HDGFL2: variants seen among roughly 807,000 people sequenced by gnomAD.
The protein encoded by HDGFL2 is hepatoma-derived growth factor-related protein 2.
A neutral mutation model predicts 77.1 loss-of-function variants in HDGFL2; 36 were observed. The observed-to-expected ratio is 0.47, with a 90% CI of 0.36 to 0.62. HDGFL2 has a LOEUF of 0.62. HDGFL2 is among the 20% of genes least tolerant of loss of function. The pLI, the probability that HDGFL2 is intolerant of heterozygous loss-of-function variation, is 0.00. For synonymous variants in HDGFL2, 463 were observed against 413.1 expected (o/e 1.12, Z -1.46); for missense variants, 976 against 973.4 (o/e 1.00, Z -0.04).
At chr19:4,478,003 G>A (rs1408235182) in intron 3 of HDGFL2, among the ~76,000 whole-genome samples, 1 of 150,670 alleles carries the variant, frequency 6.6e-6, no homozygotes, top group Non-Finnish European at 1.5e-5. Context: ...TTGCTTCAAC[G>A]CGGGAGGGAG....
chr19:4,472,946 T>C (rs898399547), intron 1 of HDGFL2, among the ~76,000 whole-genome samples: 22 of 145,488 alleles, frequency 1.5e-4, no homozygotes, highest in African/African-American at 5.7e-4. Context: ...GTTCTGAGGG[T>C]GTCTGCGGCC....
chr19:4,497,594 C>T (rs984377005), intron 10 of HDGFL2: 7 of 334,702 alleles, frequency 2.1e-5, no homozygotes, highest in Admixed American at 4.7e-5. Flanking sequence ...CAGCACATGG[C>T]ACCGAGCCTC....
At chr19:4,490,814 T>C (rs1189592045) in intron 4 of HDGFL2, among the ~76,000 whole-genome samples, 1 of 151,996 alleles carries the variant, frequency 6.6e-6, no homozygotes, top group Non-Finnish European at 1.5e-5. Context: ...TCTCTTTTTT[T>C]TTTTTGGCGG....
At chr19:4,489,466 C>T (rs1599713178) in intron 4 of HDGFL2, among the ~76,000 whole-genome samples, 3 of 151,568 alleles carry the variant, frequency 2.0e-5, no homozygotes, top group Admixed American at 6.6e-5. Context: ...TGCGGTGGCA[C>T]GATCTCAGCT....
chr19:4,475,073 G>C (rs1166057949), intron 1 of HDGFL2: 1 of 586,502 alleles, frequency 1.7e-6, no homozygotes, highest in African/African-American at 1.9e-5. Flanking sequence ...CTGGGGTAGG[G>C]GGAGAGCTCT....
chr19:4,477,607 A>G (rs1005607014), intron 3 of HDGFL2, among the ~76,000 whole-genome samples: 8 of 152,158 alleles, frequency 5.3e-5, no homozygotes, highest in Non-Finnish European at 1.2e-4. Flanking sequence ...TCATCACACC[A>G]TTTAATATTT....
chr19:4,499,303 G>T (rs1022833393), intron 13 of HDGFL2, among the ~76,000 whole-genome samples, 188 bp from the exon 14 acceptor site: 1 of 151,212 alleles, frequency 6.6e-6, no homozygotes, highest in Non-Finnish European at 1.5e-5. Context: ...CCGAGATCGC[G>T]CCACTGCACT....
intron 6 of HDGFL2, among the ~76,000 whole-genome samples, chr19:4,493,152 GTGTGTGTTGTC>G (rs1212937502): frequency 7.4e-6 from 1 of 135,820 alleles, no homozygotes; most frequent in East Asian, 2.2e-4. Flanking sequence ...TGTCTGTGTG[GTGTGTGTTGTC>G]TGTGTGTGGT....
intron 3 of HDGFL2, among the ~76,000 whole-genome samples, chr19:4,484,835 C>T (rs954754979): frequency 1.3e-5 from 2 of 152,082 alleles, no homozygotes; most frequent in Non-Finnish European, 2.9e-5. Context: ...CCATGCCCAG[C>T]TAATTTTTTG....
intron 4 of HDGFL2, 76 bp downstream of exon 4, chr19:4,488,952 CTT>C (rs34663282): frequency 0.1 from 69,088 of 672,276 alleles, 1 homozygote; most frequent in South Asian, 0.12. Context: ...CTCTCCTGCC[CTT>C]TTTTTTTTTT....
chr19:4,482,026 CTTTTTTTTTTTTTT>C (rs34398630), intron 3 of HDGFL2, among the ~76,000 whole-genome samples: 5 of 71,664 alleles, frequency 7.0e-5, no homozygotes, highest in Admixed American at 2.3e-4. Flanking sequence ...TGGCTTTGGC[CTTTTTTTTTTTTTT>C]TTTTTTTTTT....
In HDGFL2 at chr19:4,493,994, T is replaced by A; in HGVS notation, c.851T>A (p.Leu284His). 1.2e-6 allele frequency: 2 copies of A among 1,610,518 alleles called. No homozygotes were observed. Among genetic ancestry groups the A allele is most frequent in the South Asian group, 1.1e-5 (1 of 90,464 alleles). Reference sequence around the variant, plus strand: ...CCTCTTCCTGTAGCGGAGAAGCCTCTCCCGAAGCCGCGAGGGCGGAAACCG... The same window carrying A: ...CCTCTTCCTGTAGCGGAGAAGCCTCACCCGAAGCCGCGAGGGCGGAAACCG... ...PRGRKPAEKP[L>H]PKPRGRKPKP... Residue 284 changes from leucine to histidine, a missense_variant, in exon 8 of 16, where the codon CTC becomes CAC. Coordinates refer to ENST00000616600, the MANE Select transcript of HDGFL2 (RefSeq NM_001001520.3).
chr19:4,493,708 G>T lies in HDGFL2; in HGVS notation c.684G>T (p.Ala228=), dbSNP rs771072196. The change falls in exon 7 of 16, where the codon GCG becomes GCT. Residue 228 remains alanine (A), a synonymous_variant. Transcript: ENST00000616600. ...CTGTCCCTGCTTCTCCCCAGAAGGC[G>T]CCATCAGCCTCCGACTCCGACTCCA... is the stretch of plus-strand genomic sequence containing the variant. ...GPLGGRKKKK[A]PSASDSDSKA... 2.7e-6 allele frequency: 4 copies of T among 1,464,498 alleles called. No homozygotes were observed. Among genetic ancestry groups the T allele is most frequent in the Admixed American group, 2.6e-5 (1 of 39,096 alleles). The allele number at this position is 1,464,498 out of a possible 1,614,324, so 90.7% of individuals were successfully genotyped here.
chr19:4,496,642 G>C (rs755379980), intron 10 of HDGFL2, among the ~76,000 whole-genome samples: 6 of 152,166 alleles, frequency 3.9e-5, no homozygotes, highest in Non-Finnish European at 7.3e-5. Context: ...ACACGGCCAC[G>C]TCCGGGGACA....
chr19:4,486,192 G>T (rs1176983497), intron 3 of HDGFL2, among the ~76,000 whole-genome samples: 1 of 152,084 alleles, frequency 6.6e-6, no homozygotes. Context: ...CCTGTGTGCT[G>T]CTTGGTGCCT....
At chr19:4,493,103 GGT>G (rs1305631532) in intron 6 of HDGFL2, among the ~76,000 whole-genome samples, 13 of 135,122 alleles carry the variant, frequency 9.6e-5, no homozygotes, top group South Asian at 2.3e-4. Context: ...TGTGGTGTGT[GGT>G]GTGTGTGTTG....
rs115265719 is a variant in HDGFL2 at position 4,491,655 on chromosome 19, A to C, written c.579A>C (p.Ser193=). 4.9e-5 allele frequency: 79 copies of C among 1,614,110 alleles called. No individual in the cohort carries two copies. In the African/African-American group the frequency reaches 8.4e-4, roughly 17 times the overall value. The change falls in exon 5 of 16, where the codon TCA becomes TCC. Residue 193 remains serine (S), a synonymous_variant. Transcript: ENST00000616600. ...SPSEEENSES[S]SESEKTSDQD... is the part of the protein sequence containing the mutation. ...CCGAAGAGGAGAACTCGGAAAGCTC[A>C]TCTGAGTCGGAGAAGACCAGCGACC...
At chr19:4,497,648 T>G in intron 10 of HDGFL2, 1 of 428,626 alleles carries the variant, frequency 2.3e-6, no homozygotes, top group African/African-American at 2.0e-5. Context: ...CTTGAGGGCC[T>G]TTTCCTAGCT....
chr19:4,473,440 C>T (rs765329810), intron 1 of HDGFL2, among the ~76,000 whole-genome samples: 3 of 151,780 alleles, frequency 2.0e-5, no homozygotes, highest in South Asian at 2.1e-4. Flanking sequence ...ACCTGAGGGA[C>T]CCTCACCTGA....
Sources: gnomAD v4.1 joint callset for allele counts (sites outside exome capture counted in the v4.1 genomes callset) on GRCh38, gnomAD v4.1.1 for gene constraint, MANE v1.5 for transcripts, NCBI Gene and HGNC (gene_info 2026-07-23, HGNC 2026-07-21) for gene names.